The following LARGE1 variants were observed in gnomAD, a reference collection of about 807,000 sequenced individuals.
LARGE1 encodes the protein LARGE xylosyl- and glucuronyltransferase 1, also known as xylosyl- and glucuronyltransferase LARGE1.
In LARGE1, 43 loss-of-function variants were observed where a neutral mutation model predicts 87.6. The ratio of observed to expected loss-of-function variants is 0.49; its 90% CI spans 0.38 to 0.63. The LOEUF (loss-of-function observed/expected upper bound fraction) is 0.63, where lower values mean the gene tolerates loss of function less well. Ranked by LOEUF, LARGE1 falls within the 30% of genes least tolerant of loss-of-function variation. The pLI is 0.00. For missense variants in LARGE1, 802 were observed against 1,000.2 expected (o/e 0.80, Z 2.67); for synonymous variants, 434 against 394.6 (o/e 1.10, Z -1.18).
At chr22:33,390,099 C>T (rs771400993) in intron 7 of LARGE1, among the ~76,000 whole-genome samples, 6 of 152,150 alleles carry the variant, frequency 3.9e-5, no homozygotes, top group Admixed American at 3.9e-4. Flanking sequence ...ATAAAACAAC[C>T]GCAACCTCTG....
intron 6 of LARGE1, among the ~76,000 whole-genome samples, chr22:33,507,754 T>G (rs1405815899): frequency 6.6e-6 from 1 of 152,208 alleles, no homozygotes; most frequent in East Asian, 1.9e-4. Context: ...TGAAGCACGG[T>G]GTTCTGGTGG....
chr22:33,203,930 C>T (rs747412003), intron 11 of LARGE1, among the ~76,000 whole-genome samples: 1 of 152,142 alleles, frequency 6.6e-6, no homozygotes, highest in Non-Finnish European at 1.5e-5. Flanking sequence ...GTCAACATTT[C>T]CATACTTTTC....
chr22:33,800,240 T>C (rs533212758), intron 1 of LARGE1, among the ~76,000 whole-genome samples: 171 of 152,336 alleles, frequency 1.1e-3, no homozygotes, highest in Non-Finnish European at 1.9e-3. Flanking sequence ...TTTGAAATTA[T>C]AGACTCTCAA....
At chr22:33,886,665 AAAAAAAAAAG>A (rs1425370236) in intron 1 of LARGE1, among the ~76,000 whole-genome samples, 13 of 149,050 alleles carry the variant, frequency 8.7e-5, no homozygotes, top group Non-Finnish European at 1.5e-4. Context: ...CCAAAAAAAA[AAAAAAAAAAG>A]AAAAAAAAAG....
intron 1 of LARGE1, among the ~76,000 whole-genome samples, chr22:33,801,240 A>G (rs549714994): frequency 9.2e-4 from 140 of 152,266 alleles, no homozygotes; most frequent in African/African-American, 3.3e-3. Context: ...AGTCTCAGGT[A>G]TGTCTTTATC....
At chr22:33,753,004 G>C (rs113301658) in intron 2 of LARGE1, among the ~76,000 whole-genome samples, 32,286 of 152,090 alleles carry the variant, frequency 0.21, 4,830 homozygotes, top group African/African-American at 0.43. Context: ...GGTGGATCAC[G>C]AGGTCAGGAG....
At chr22:33,414,445 A>C (rs1356182041) in intron 7 of LARGE1, among the ~76,000 whole-genome samples, 2 of 152,096 alleles carry the variant, frequency 1.3e-5, no homozygotes, top group African/African-American at 2.4e-5. Flanking sequence ...CCTTGGGGAG[A>C]AAAGGTTGAG....
chr22:33,570,748 G>A (rs1368315751), intron 5 of LARGE1, among the ~76,000 whole-genome samples: 2 of 151,944 alleles, frequency 1.3e-5, no homozygotes, highest in Non-Finnish European at 2.9e-5. Flanking sequence ...CTTTGGGTTT[G>A]AGGAGGAGGA....
intron 2 of LARGE1, among the ~76,000 whole-genome samples, chr22:33,720,424 C>T (rs139854231): frequency 0.024 from 3,685 of 152,166 alleles, 64 homozygotes; most frequent in Non-Finnish European, 0.037. Context: ...TCCTAATAGG[C>T]CACGGACTGG....
chr22:33,240,772 A>T (rs995785730), intron 11 of LARGE1, among the ~76,000 whole-genome samples: 2 of 152,174 alleles, frequency 1.3e-5, no homozygotes, highest in African/African-American at 4.8e-5. Flanking sequence ...CGTGGTCATC[A>T]ACTTTAAGAA....
intron 2 of LARGE1, chr22:33,743,299 G>A (rs1480056935): frequency 6.6e-6 from 1 of 152,150 alleles, no homozygotes; most frequent in African/African-American, 2.4e-5. Flanking sequence ...GGAGCGTGTT[G>A]GAAGTTCACT....
chr22:33,544,054 C>T (rs2077286421), intron 6 of LARGE1, among the ~76,000 whole-genome samples: 1 of 152,228 alleles, frequency 6.6e-6, no homozygotes, highest in Non-Finnish European at 1.5e-5. Context: ...TGCTGAGTCT[C>T]TCATGAGATT....
intron 2 of LARGE1, among the ~76,000 whole-genome samples, chr22:33,760,963 C>CA (rs954327029): frequency 3.3e-5 from 5 of 151,886 alleles, no homozygotes; most frequent in African/African-American, 1.2e-4. Flanking sequence ...GACAAACAAA[C>CA]AAAAAACACC....
chr22:33,738,630 C>A (rs773010093), intron 2 of LARGE1, among the ~76,000 whole-genome samples: 30 of 152,098 alleles, frequency 2.0e-4, no homozygotes, highest in Non-Finnish European at 3.4e-4. Context: ...GAGGCCGAGG[C>A]AGGTGGATCA....
chr22:33,526,962 A>C (rs912539806), intron 6 of LARGE1, among the ~76,000 whole-genome samples: 2 of 152,230 alleles, frequency 1.3e-5, no homozygotes, highest in African/African-American at 4.8e-5. Flanking sequence ...AGTTGCTTAA[A>C]AATGGAAATT....
intron 11 of LARGE1, among the ~76,000 whole-genome samples, chr22:33,249,503 T>C (rs1441730302): frequency 6.6e-6 from 1 of 152,208 alleles, no homozygotes; most frequent in Non-Finnish European, 1.5e-5. Flanking sequence ...CTTCTCATTC[T>C]CTTGATACTG....
rs1020402360 is a variant in LARGE1 at position 33,361,651 on chromosome 22, A to T, written c.1131+20268T>A. On this transcript the variant is annotated intron_variant, in intron 9 of 14. Transcript: ENST00000397394. ...GGTGTCTGGGAGTTTGGATATCAAG[A>T]TTCAGCTCAGGTTTCCTATCTGAAT... Among the ~76,000 whole-genome samples, 10 of 147,254 alleles carry T rather than the reference A, an allele frequency of 6.8e-5. 2 individuals are homozygous for T. Among genetic ancestry groups the T allele is most frequent in the Non-Finnish European group, 1.5e-4 (10 of 66,232 alleles).
chr22:33,172,478 C>T (rs570172490), intron 11 of LARGE1, among the ~76,000 whole-genome samples: 2 of 152,000 alleles, frequency 1.3e-5, no homozygotes, highest in South Asian at 2.1e-4. Context: ...TCTACTGCTG[C>T]CTTGTGAAGA....
At chr22:33,544,694 C>CACAACA (rs368374318) in intron 6 of LARGE1, among the ~76,000 whole-genome samples, 19 of 136,530 alleles carry the variant, frequency 1.4e-4, no homozygotes, top group Non-Finnish European at 1.2e-4. Context: ...AAACAACAAC[C>CACAACA]ACAACAACAA....
Sources: allele counts gnomAD v4.1 joint callset (sites outside exome capture counted in the v4.1 genomes callset), GRCh38; gene constraint gnomAD v4.1.1; transcripts MANE v1.5; gene names NCBI Gene and HGNC (gene_info 2026-07-23, HGNC 2026-07-21).